Variants in DUSP14 observed in about 807,000 individuals in gnomAD.
DUSP14 encodes the protein dual specificity protein phosphatase 14.
Under a neutral mutation model 13.2 loss-of-function variants are expected in DUSP14, and 5 were observed. The observed-to-expected ratio is 0.38, with a 90% CI of 0.20 to 0.80. The LOEUF (loss-of-function observed/expected upper bound fraction) is 0.80. Among genes scored for constraint, DUSP14 ranks in the 30% least tolerant of loss-of-function variants. DUSP14 has a pLI of 0.44. For missense variants in DUSP14, 185 were observed against 264.0 expected, an observed-to-expected ratio of 0.70 and a Z score of 2.07; for synonymous variants, 91 against 103.4, an observed-to-expected ratio of 0.88 and a Z score of 0.73.
At chr17:37,503,461 A>G (rs1023159417) in intron 1 of DUSP14, among the ~76,000 whole-genome samples, 8 of 152,166 alleles carry the variant, frequency 5.3e-5, no homozygotes, top group Non-Finnish European at 8.8e-5. Context: ...CATTGTAAGA[A>G]TGTCATGTGA....
At chr17:37,505,236 A>G (rs548175385) in intron 1 of DUSP14, among the ~76,000 whole-genome samples, 210 of 152,192 alleles carry the variant, frequency 1.4e-3, no homozygotes, top group Non-Finnish European at 1.8e-3. Flanking sequence ...TTACTAAATC[A>G]GAAATGTGGG....
intron 1 of DUSP14, among the ~76,000 whole-genome samples, chr17:37,501,293 T>C (rs1055580473): frequency 5.3e-5 from 8 of 152,316 alleles, no homozygotes; most frequent in African/African-American, 1.9e-4. Context: ...ATCTTCAGTT[T>C]GCACTTTTCA....
At position 37,492,581 on chromosome 17, in the gene DUSP14, G is replaced by A. The variant is rs74993460; in HGVS notation, c.-181+2623G>A. On this transcript the variant is annotated intron_variant, in intron 1 of 2. Transcript: ENST00000617516. ...GCCTGAATACAGAGGAAGAAGGCAA[G>A]TAAGGTCGGTCTCTGACCTTATGAA... 6.9e-3 allele frequency among the ~76,000 whole-genome samples: 1,053 copies of A among 152,290 alleles called. 5 individuals are homozygous for A. The highest frequency in any genetic ancestry group is 0.024 in the African/African-American group (987 of 41,560).
At chr17:37,494,586 T>C (rs2143052099) in intron 1 of DUSP14, among the ~76,000 whole-genome samples, 1 of 152,052 alleles carries the variant, frequency 6.6e-6, no homozygotes, top group East Asian at 1.9e-4. Flanking sequence ...GGATTTGAAG[T>C]GTGTGTGTGA....
At chr17:37,503,098 C>T (rs1221780767) in intron 1 of DUSP14, among the ~76,000 whole-genome samples, 1 of 152,136 alleles carries the variant, frequency 6.6e-6, no homozygotes, top group Non-Finnish European at 1.5e-5. Flanking sequence ...GAGGGGACAT[C>T]AGCCCCACTG....
chr17:37,505,453 G>T (rs1180298970), intron 1 of DUSP14, among the ~76,000 whole-genome samples: 1 of 152,102 alleles, frequency 6.6e-6, no homozygotes, highest in Non-Finnish European at 1.5e-5. Flanking sequence ...AAAGGTAACA[G>T]TGTAGGCCTC....
Position 37,513,203 on chromosome 17 carries a change from G to C in DUSP14, c.*334G>C, listed in dbSNP as rs1162236611. ...TGGCACCTTGGTAGGTGCAGGAGGA[G>C]CTCAGTGCAAAAATCACTTTGGGGC... On this transcript the variant is annotated 3_prime_UTR_variant, in exon 3 of 3. Coordinates refer to ENST00000617516, the MANE Select transcript of DUSP14 (RefSeq NM_007026.4). The C allele has an allele frequency of 3.5e-6, 1 of 284,576 alleles. No individual in the cohort carries two copies. The highest frequency in any genetic ancestry group is 7.0e-6 in the Non-Finnish European group (1 of 142,848). The allele number at this position is 284,576 out of a possible 1,614,324, so 17.6% of individuals were successfully genotyped here.
chr17:37,497,152 C>A (rs1457739295), intron 1 of DUSP14, among the ~76,000 whole-genome samples: 2 of 151,116 alleles, frequency 1.3e-5, no homozygotes, highest in African/African-American at 4.9e-5. Flanking sequence ...CTTCAAACTG[C>A]ATTTTTTTTT....
upstream of DUSP14, among the ~76,000 whole-genome samples, chr17:37,488,610 T>TA (rs890105509): frequency 2.0e-5 from 3 of 152,212 alleles, no homozygotes; most frequent in Admixed American, 6.5e-5. Context: ...TGTTTTCTCT[T>TA]AGATTAATTT....
chr17:37,509,281 A>G (rs1266694628), intron 1 of DUSP14, among the ~76,000 whole-genome samples: 4,209 of 33,038 alleles, frequency 0.13, 290 homozygotes, highest in Middle Eastern at 0.16. Context: ...ATATATATAT[A>G]TATATATATA....
At chr17:37,495,886 A>G (rs1288894150) in intron 1 of DUSP14, among the ~76,000 whole-genome samples, 2 of 152,016 alleles carry the variant, frequency 1.3e-5, no homozygotes, top group African/African-American at 4.8e-5. Context: ...TCTCGATCTC[A>G]TGACCTCGTG....
intron 1 of DUSP14, among the ~76,000 whole-genome samples, chr17:37,509,125 A>ATATATATATATATATATG (rs2054158776): frequency 2.5e-5 from 1 of 40,030 alleles, no homozygotes; most frequent in African/African-American, 1.2e-4. Context: ...ATATATATAT[A>ATATATATATATATATATG]TATACACACA....
intron 1 of DUSP14, among the ~76,000 whole-genome samples, chr17:37,497,093 C>G (rs1282821626): frequency 6.6e-6 from 1 of 152,008 alleles, no homozygotes; most frequent in African/African-American, 2.4e-5. Flanking sequence ...ACAACCACTC[C>G]CATGAATTTG....
intron 2 of DUSP14, among the ~76,000 whole-genome samples, chr17:37,511,859 A>C (rs1251156015): frequency 6.8e-6 from 1 of 146,830 alleles, no homozygotes; most frequent in Non-Finnish European, 1.5e-5. Context: ...GGGCTTAAGC[A>C]ATCCTCCCAC....
intron 2 of DUSP14, among the ~76,000 whole-genome samples, chr17:37,511,714 AGTAGCTGGGACTACAGGCAT>A (rs2054187533): frequency 6.7e-6 from 1 of 149,794 alleles, no homozygotes; most frequent in Non-Finnish European, 1.5e-5. Context: ...CAGTCTCCTG[AGTAGCTGGGACTACAGGCAT>A]GCACTACCAC....
chr17:37,505,877 C>T lies in DUSP14; in HGVS notation c.-180-4800C>T, dbSNP rs931253248. 5.9e-5 allele frequency among the ~76,000 whole-genome samples: 9 copies of T among 152,096 alleles called. No individual in the cohort carries two copies. In the East Asian group the frequency reaches 9.7e-4, roughly 16 times the overall value. ...GTATGCATTACTGAGATTAGAGGCC[C>T]GCTGGGAAGACACTAATCTTGTATT... On this transcript the variant is annotated intron_variant, in intron 1 of 2. Coordinates refer to ENST00000617516, the MANE Select transcript of DUSP14 (RefSeq NM_007026.4).
intron 1 of DUSP14, among the ~76,000 whole-genome samples, chr17:37,503,149 C>G (rs957610345): frequency 6.6e-6 from 1 of 152,076 alleles, no homozygotes; most frequent in Non-Finnish European, 1.5e-5. Flanking sequence ...TAGGGTCTGG[C>G]CACAGTGGCT....
chr17:37,502,720 A>G (rs1042321437), intron 1 of DUSP14, among the ~76,000 whole-genome samples: 3 of 152,086 alleles, frequency 2.0e-5, no homozygotes, highest in African/African-American at 4.8e-5. Context: ...CTAAACACCC[A>G]TGGCCTCTCC....
At chr17:37,489,864 G>C (rs1170143270), upstream of DUSP14, 2 of 147,804 alleles carry the variant, frequency 1.4e-5, no homozygotes, top group South Asian at 4.1e-4. Flanking sequence ...GGAGGGAGGA[G>C]GAGGCGGCGC....
Sources: allele counts gnomAD v4.1 joint callset (sites outside exome capture counted in the v4.1 genomes callset), GRCh38; gene constraint gnomAD v4.1.1; transcripts MANE v1.5; gene names NCBI Gene and HGNC (gene_info 2026-07-23, HGNC 2026-07-21).